Variants in BCAN observed in about 807,000 individuals in gnomAD.
The protein encoded by BCAN is brevican.
Under a neutral mutation model 92.4 loss-of-function variants are expected in BCAN, and 51 were observed. The ratio of observed to expected loss-of-function variants is 0.55; its 90% CI spans 0.44 to 0.70. The LOEUF (loss-of-function observed/expected upper bound fraction) is 0.70, where lower values mean the gene tolerates loss of function less well. Ranked by LOEUF, BCAN falls within the 30% of genes least tolerant of loss-of-function variation. The probability of loss-of-function intolerance (pLI) is 0.00; values close to 1 mark genes in which losing one functional copy is unlikely to be tolerated. For synonymous variants in BCAN, 501 were observed against 505.2 expected (o/e 0.99, Z 0.11); for missense variants, 1,140 against 1,212.1 (o/e 0.94, Z 0.88).
intron 1 of BCAN, chr1:156,644,562 CAG>C (rs760820141): frequency 1.3e-5 from 2 of 152,308 alleles, no homozygotes; most frequent in African/African-American, 2.4e-5. Context: ...TCTGAAAGGT[CAG>C]AGAGAGGCCC....
rs1557983924 is a variant in BCAN, at chr1:156,642,966, A to G, written c.-9+691A>G. On this transcript the variant is annotated intron_variant, in intron 1 of 13. Coordinates refer to ENST00000329117, the MANE Select transcript of BCAN (RefSeq NM_021948.5). The surrounding 1 kb of genome is among the most constrained non-coding windows in gnomAD (Gnocchi z 4.2). ...TATTAGCTGGAATTCGGTTACCACT[A>G]TTGCATTCCTTCCTAGCACTGCCAG... 1 of 152,188 alleles carries G rather than the reference A, an allele frequency of 6.6e-6. No homozygotes were observed. The highest frequency in any genetic ancestry group is 1.5e-5 in the Non-Finnish European group (1 of 68,030). 9.4% of individuals were successfully genotyped at this position (152,188 alleles called of 1,614,324 possible).
rs1679009689 is a variant in BCAN at position 156,647,108 on chromosome 1, T to A, written c.399T>A (p.Gly133=). The A allele has an allele frequency of 1.5e-5, 24 of 1,602,142 alleles. No individual in the cohort carries two copies. Among genetic ancestry groups the A allele is most frequent in the Non-Finnish European group, 2.0e-5 (24 of 1,171,138 alleles). The change falls in exon 3 of 14, where the codon GGT becomes GGA. Residue 133 remains glycine (G), a synonymous_variant. Transcript: ENST00000329117. This position sits in a 1 kb window ranked among gnomAD's most constrained non-coding sequence, Gnocchi z 4.8. ...ALSELRPNDS[G]IYRCEVQHGI... ...GCGAGCTGCGCCCCAACGACTCAGG[T>A]ATCTATCGCTGTGAGGTCCAGCACG...
At position 156,652,547 on chromosome 1, in the gene BCAN, C is replaced by T. The variant is rs62001920; in HGVS notation, c.1597C>T (p.Pro533Ser). The change falls in exon 8 of 14, where the codon CCA becomes TCA. Residue 533 changes from proline to serine, a missense_variant. By Grantham distance (74) the Pro-to-Ser change is moderately conservative (BLOSUM62 -1). This residue lies in a region of BCAN where 825 missense variants were observed against 871.8 expected (regional missense o/e 0.95). Coordinates refer to ENST00000329117, the MANE Select transcript of BCAN (RefSeq NM_021948.5). ...PDGESEASRPPRVHGPPTETL... is the reference protein window; with the variant it reads ...PDGESEASRPSRVHGPPTETL... ...TGGAGAGTCAGAAGCTTCCAGGCCT[C>T]CAAGGGTCCATGGACCACCTACTGA... 2 of 1,613,726 alleles carry T rather than the reference C, an allele frequency of 1.2e-6. No individual in the cohort carries two copies. Among genetic ancestry groups the T allele is most frequent in the African/African-American group, 2.7e-5 (2 of 74,918 alleles).
In BCAN at chr1:156,657,674, G is replaced by A; in HGVS notation, c.2210-1G>A. 1 of 1,608,756 alleles carries A rather than the reference G, an allele frequency of 6.2e-7. No individual in the cohort carries two copies. Among genetic ancestry groups the A allele is most frequent in the Non-Finnish European group, 8.5e-7 (1 of 1,178,144 alleles). On this transcript the variant is annotated splice_acceptor_variant, in intron 10 of 13. Transcript: ENST00000329117. LOFTEE classifies it high-confidence loss of function. Reference sequence around the variant, plus strand: ...CTCACTGCACGCCTTCGTCTCCCTAGACCGGTACCGGGAGTACCAGTGGAT... The same window carrying A: ...CTCACTGCACGCCTTCGTCTCCCTAAACCGGTACCGGGAGTACCAGTGGAT...
chr1:156,656,067 A>G (rs1679312818), intron 8 of BCAN, among the ~76,000 whole-genome samples: 1 of 152,132 alleles, frequency 6.6e-6, no homozygotes, highest in African/African-American at 2.4e-5. Context: ...GGCTGAGCCA[A>G]TGCTGAAGTC....
intron 9 of BCAN, 103 bp from the exon 10 acceptor site, chr1:156,656,835 C>T: frequency 1.3e-6 from 2 of 1,493,906 alleles, no homozygotes; most frequent in East Asian, 2.3e-5. Flanking sequence ...CCCCTTAGTC[C>T]CGCCCCTCTC....
At chr1:156,646,684 G>A (rs927840743) in intron 2 of BCAN, 117 bp from the exon 3 acceptor site, 18 of 1,454,000 alleles carry the variant, frequency 1.2e-5, no homozygotes, top group Non-Finnish European at 1.5e-5. Context: ...CTGGTCCTAG[G>A]GGGGCCGGGG....
At chr1:156,645,578 G>A (rs1177558052) in intron 1 of BCAN, among the ~76,000 whole-genome samples, 1 of 152,130 alleles carries the variant, frequency 6.6e-6, no homozygotes, top group Admixed American at 6.5e-5. Flanking sequence ...TACTATGGGA[G>A]AAGGCTCTGG....
At position 156,642,504 on chromosome 1, in the gene BCAN, C is replaced by T. The variant is rs1051784099; in HGVS notation, c.-9+229C>T. 6.6e-6 allele frequency: 1 copy of T among 152,378 alleles called. No individual in the cohort carries two copies. Among genetic ancestry groups the T allele is most frequent in the Non-Finnish European group, 1.5e-5 (1 of 68,130 alleles). 9.4% of individuals were successfully genotyped at this position (152,378 alleles called of 1,614,324 possible). On this transcript the variant is annotated intron_variant, in intron 1 of 13. Coordinates refer to ENST00000329117, the MANE Select transcript of BCAN (RefSeq NM_021948.5). This position sits in a 1 kb window ranked among gnomAD's most constrained non-coding sequence, Gnocchi z 4.2. The stretch of plus-strand genomic sequence containing the variant: ...GCTTCCAGCTCTGCCAGTGGCAGCC[C>T]CCCTGCTGCTCGCAGTCTGATCAGC...
intron 10 of BCAN, chr1:156,657,306 T>G: frequency 1.3e-6 from 1 of 768,756 alleles, no homozygotes; most frequent in Non-Finnish European, 2.0e-6. Flanking sequence ...GAGTGGAGGT[T>G]CGCGCAGTAG....
intron 7 of BCAN, 74 bp from the exon 8 acceptor site, chr1:156,652,174 C>T: frequency 6.6e-7 from 1 of 1,517,282 alleles, no homozygotes; most frequent in Non-Finnish European, 8.8e-7. Flanking sequence ...CCCTACTTTT[C>T]TCCCCTTCCC....
At chr1:156,657,916 T>C (rs1260409686) in intron 11 of BCAN, among the ~76,000 whole-genome samples, 159 bp downstream of exon 11, 3 of 150,372 alleles carry the variant, frequency 2.0e-5, no homozygotes, top group Admixed American at 1.3e-4. Flanking sequence ...CCTCCCTTCG[T>C]TGTGTCCTCT....
rs1244636046 is a variant in BCAN, at chr1:156,658,802, A to G, written c.2628+69A>G. On this transcript the variant is annotated intron_variant, in intron 13 of 13. Coordinates refer to ENST00000329117, the MANE Select transcript of BCAN (RefSeq NM_021948.5). This position sits in a 1 kb window ranked among gnomAD's most constrained non-coding sequence, Gnocchi z 4.4. ...AACAGTAGCCTTGGACTCCACTTAA[A>G]GTCCTGCCTGTCACTGGCCATGTGA... is the stretch of plus-strand genomic sequence containing the variant. 6.3e-7 allele frequency: 1 copy of G among 1,590,784 alleles called. No homozygotes were observed. The highest frequency in any genetic ancestry group is 8.6e-7 in the Non-Finnish European group (1 of 1,163,614).
In BCAN at chr1:156,652,677, G is replaced by A. The variant is rs750276944; in HGVS notation, c.1727G>A (p.Gly576Glu). The A allele has an allele frequency of 1.2e-6, 2 of 1,612,738 alleles. No individual in the cohort carries two copies. The highest frequency in any genetic ancestry group is 1.3e-5 in the African/African-American group (1 of 75,018). The change falls in exon 8 of 14, where the codon GGG becomes GAG. Residue 576 changes from glycine to glutamate, a missense_variant. This residue lies in a region of BCAN where 825 missense variants were observed against 871.8 expected (regional missense o/e 0.95). Transcript: ENST00000329117. ...GEATGGPELS[G>E]VPRGESEETG... is the part of the protein sequence containing the mutation. ...GCAACTGGTGGTCCTGAGCTATCTG[G>A]GGTCCCTCGAGGAGAGAGCGAGGAG...
Position 156,659,110 on chromosome 1 carries a change from T to C in BCAN, c.2712T>C (p.Pro904=). ...GCTGGAAGGCGCTGTTGATCCCCCC[T>C]TCCAGCCCCATGCCAGGTCCCTAGG... The part of the protein sequence containing the change: ...LGRWKALLIP[P]SSPMPGP Residue 904 remains proline (P), a synonymous_variant, in exon 14 of 14, where the codon CCT becomes CCC. Transcript: ENST00000329117. 1 of 1,585,418 alleles carries C rather than the reference T, an allele frequency of 6.3e-7. No homozygotes were observed. Among genetic ancestry groups the C allele is most frequent in the Non-Finnish European group, 8.6e-7 (1 of 1,167,336 alleles).
At position 156,648,566 on chromosome 1, in the gene BCAN, A is replaced by C; in HGVS notation, c.770-2A>C. The C allele has an allele frequency of 6.3e-7, 1 of 1,581,468 alleles. No individual in the cohort carries two copies. The highest frequency in any genetic ancestry group is 1.3e-5 in the African/African-American group (1 of 74,548). On this transcript the variant is annotated splice_acceptor_variant, in intron 5 of 13. Coordinates refer to ENST00000329117, the MANE Select transcript of BCAN (RefSeq NM_021948.5). LOFTEE classifies it high-confidence loss of function. ...TAACCCAGCCTTCTCTTCTCCACCC[A>C]GGAGAACTGTTCCTGGGTGACCCTC...
intron 1 of BCAN, chr1:156,643,433 G>C (rs1678853243): frequency 6.6e-6 from 1 of 152,202 alleles, no homozygotes; most frequent in African/African-American, 2.4e-5. Context: ...GCCGTTAAGG[G>C]GGTAGCAGAG....
chr1:156,647,600 G>A lies in BCAN; in HGVS notation c.559G>A (p.Ala187Thr), dbSNP rs763839731. 3.7e-6 allele frequency: 6 copies of A among 1,612,808 alleles called. No homozygotes were observed. The highest frequency in any genetic ancestry group is 2.2e-5 in the East Asian group (1 of 44,870). Residue 187 changes from alanine (A) to threonine (T), a missense_variant, in exon 4 of 14, where the codon GCC (alanine) becomes ACC (threonine). Physicochemically the swap from Ala to Thr is moderately conservative, Grantham distance 58. Transcript: ENST00000329117. This position sits in a 1 kb window ranked among gnomAD's most constrained non-coding sequence, Gnocchi z 4.8. ...EACARIGAHIATPEQLYAAYL... is the reference protein window; with the variant it reads ...EACARIGAHITTPEQLYAAYL... ...CTGTGCCCGCATTGGAGCCCACATC[G>A]CCACCCCGGAGCAGCTCTATGCCGC...
Position 156,658,964 on chromosome 1 carries a change from G to T in BCAN, c.2629-63G>T. ...TACGGGCTGAGCAAGAACATCAGAG[G>T]GCAGGCTCTGAGGAGAGGAGAAGGA... On this transcript the variant is annotated intron_variant, in intron 13 of 13. Coordinates refer to ENST00000329117, the MANE Select transcript of BCAN (RefSeq NM_021948.5). The surrounding 1 kb of genome is among the most constrained non-coding windows in gnomAD (Gnocchi z 4.4). 1 of 1,434,892 alleles carries T rather than the reference G, an allele frequency of 7.0e-7. No homozygotes were observed. Among genetic ancestry groups the T allele is most frequent in the Non-Finnish European group, 9.6e-7 (1 of 1,044,688 alleles). The allele number at this position is 1,434,892 out of a possible 1,614,324, so 88.9% of individuals were successfully genotyped here. A position where few individuals can be genotyped will look rare whatever the true frequency, so the allele number is the denominator to read the frequency against.
Sources: gnomAD v4.1 joint callset for allele counts (sites outside exome capture counted in the v4.1 genomes callset) on GRCh38, gnomAD v4.1.1 for gene constraint, gnomAD v4.1.1 regional missense constraint, Gnocchi (gnomAD v3.1) non-coding constraint, MANE v1.5 for transcripts, NCBI Gene and HGNC (gene_info 2026-07-23, HGNC 2026-07-21) for gene names.